Variants in VDAC1 observed in about 807,000 individuals in gnomAD.
VDAC1 encodes the protein non-selective voltage-gated ion channel VDAC1.
VDAC1 carries 10 observed loss-of-function variants against 34.7 expected under a neutral mutation model. The ratio of observed to expected loss-of-function variants is 0.29; its 90% confidence interval spans 0.18 to 0.49. The LOEUF is 0.49. Ranked by LOEUF, VDAC1 falls within the 20% of genes least tolerant of loss-of-function variation. VDAC1 has a pLI of 0.99. For missense variants in VDAC1, 230 were observed against 347.9 expected (o/e 0.66, Z 2.69); for synonymous variants, 130 against 136.0 (o/e 0.96, Z 0.30).
chr5:133,972,397 A>C lies in VDAC1; in HGVS notation c.*374T>G. On this transcript the variant is annotated 3_prime_UTR_variant, in exon 9 of 9. Transcript: ENST00000265333. ...ACCATCAAGCAGCGAGCCTCTCATCAATTAGGGTTAGGGAACCAAGGTTCG... is the reference window on the plus strand; with the variant it reads ...ACCATCAAGCAGCGAGCCTCTCATCCATTAGGGTTAGGGAACCAAGGTTCG... The C allele has an allele frequency of 2.4e-6, 1 of 412,892 alleles. No homozygotes were observed. Among genetic ancestry groups the C allele is most frequent in the Non-Finnish European group, 4.3e-6 (1 of 234,746 alleles). The allele number at this position is 412,892 out of a possible 1,614,324, so 25.6% of individuals were successfully genotyped here.
chr5:133,995,329 A>G (rs1197511939), intron 1 of VDAC1, among the ~76,000 whole-genome samples: 2 of 152,130 alleles, frequency 1.3e-5, no homozygotes, highest in African/African-American at 4.8e-5. Flanking sequence ...GTTCACTAAA[A>G]CATATCCCTA....
intron 1 of VDAC1, among the ~76,000 whole-genome samples, chr5:133,998,316 T>A (rs187179035): frequency 2.0e-5 from 3 of 152,256 alleles, no homozygotes; most frequent in Admixed American, 1.3e-4. Context: ...CATTTTTTGT[T>A]CTGCTTCATT....
chr5:133,982,618 G>A (rs1381132101), intron 5 of VDAC1, among the ~76,000 whole-genome samples: 1 of 152,158 alleles, frequency 6.6e-6, no homozygotes, highest in East Asian at 1.9e-4. Flanking sequence ...GGCCAGGTGC[G>A]GTGGCTTACG....
At chr5:134,033,051 G>GGAGGA in the VDAC1 span, among the ~76,000 whole-genome samples, 7 of 151,632 alleles carry the variant, frequency 4.6e-5, no homozygotes, top group Non-Finnish European at 7.4e-5. Context: ...GGACGGGAAG[G>GGAGGA]GAGGAGAGGA....
chr5:134,044,291 C>T, the VDAC1 span, among the ~76,000 whole-genome samples: 5 of 152,220 alleles, frequency 3.3e-5, no homozygotes, highest in Non-Finnish European at 7.3e-5. Flanking sequence ...CAGCTCTTTC[C>T]GCCCTAGCTC....
At chr5:134,113,318 G>T in the VDAC1 span, among the ~76,000 whole-genome samples, 1 of 152,230 alleles carries the variant, frequency 6.6e-6, no homozygotes, top group Admixed American at 6.5e-5. Flanking sequence ...TGGCGGGGGA[G>T]GGGGGTGTGG....
the VDAC1 span, among the ~76,000 whole-genome samples, chr5:134,046,911 T>C: frequency 2.0e-5 from 3 of 152,208 alleles, no homozygotes; most frequent in Non-Finnish European, 4.4e-5. Flanking sequence ...GGAGCCATTA[T>C]GTGGCCTGTT....
the VDAC1 span, among the ~76,000 whole-genome samples, chr5:134,015,627 T>C: frequency 1.3e-5 from 2 of 151,126 alleles, no homozygotes; most frequent in Non-Finnish European, 3.0e-5. Context: ...CTTGAACGAT[T>C]TTTTTTTTCT....
chr5:133,999,818 G>A (rs1027335775), intron 1 of VDAC1, among the ~76,000 whole-genome samples: 1 of 152,248 alleles, frequency 6.6e-6, no homozygotes, highest in African/African-American at 2.4e-5. Context: ...AACCAACAGA[G>A]CAATCACAAC....
In VDAC1 at chr5:133,978,672, C is replaced by A. The variant is rs532389260; in HGVS notation, c.551+2057G>T. Among the ~76,000 whole-genome samples the A allele has an allele frequency of 1.3e-3, 203 of 152,280 alleles. 3 individuals carry two copies. The highest frequency in any genetic ancestry group is 4.6e-4 in the Admixed American group (7 of 15,292). On this transcript the variant is annotated intron_variant, in intron 6 of 8. Transcript: ENST00000265333. ...AAAAAGGCCAGACTTTTCAGAATAT[C>A]CTAAAACCAGGAACACAATACTGCC...
chr5:134,025,926 A>G, the VDAC1 span, among the ~76,000 whole-genome samples: 1 of 152,138 alleles, frequency 6.6e-6, no homozygotes, highest in Non-Finnish European at 1.5e-5. Flanking sequence ...GAGGAGGGGC[A>G]GGTTTAGGGA....
chr5:134,028,908 T>C, the VDAC1 span, among the ~76,000 whole-genome samples: 2 of 152,198 alleles, frequency 1.3e-5, no homozygotes, highest in African/African-American at 2.4e-5. Flanking sequence ...TGTCCTTGAA[T>C]GTGGACCACA....
chr5:133,973,775 C>A lies in VDAC1; in HGVS notation c.760+16G>T. The A allele has an allele frequency of 1.2e-6, 2 of 1,608,604 alleles. No individual in the cohort carries two copies. Among genetic ancestry groups the A allele is most frequent in the Non-Finnish European group, 1.7e-6 (2 of 1,179,136 alleles). On this transcript the variant is annotated intron_variant, in intron 8 of 8. Transcript: ENST00000265333. ...TTTAAGATAAAGAACCGATTTCACA[C>A]ACAAGCAACACATACCTGGCTTTAG...
intron 5 of VDAC1, among the ~76,000 whole-genome samples, chr5:133,988,305 G>T (rs1276246637): frequency 1.3e-5 from 2 of 152,148 alleles, no homozygotes; most frequent in African/African-American, 4.8e-5. Context: ...AAAAAAAGGG[G>T]GGCAGGTGCA....
the VDAC1 span, among the ~76,000 whole-genome samples, chr5:134,078,427 G>A: frequency 6.6e-6 from 1 of 152,072 alleles, no homozygotes; most frequent in African/African-American, 2.4e-5. Context: ...ACTACACAAG[G>A]CCCAGGAGGA....
At chr5:134,075,212 A>G in the VDAC1 span, among the ~76,000 whole-genome samples, 1 of 152,070 alleles carries the variant, frequency 6.6e-6, no homozygotes, top group Non-Finnish European at 1.5e-5. Flanking sequence ...ACTACCATTC[A>G]CACTTCTATT....
the VDAC1 span, among the ~76,000 whole-genome samples, chr5:134,063,274 T>C: frequency 6.6e-6 from 1 of 152,240 alleles, no homozygotes; most frequent in Non-Finnish European, 1.5e-5. Context: ...TTCCCACTAA[T>C]GTCCTTTCTC....
At chr5:134,092,350 C>G in the VDAC1 span, among the ~76,000 whole-genome samples, 1 of 152,196 alleles carries the variant, frequency 6.6e-6, no homozygotes, top group East Asian at 1.9e-4. Flanking sequence ...ATCAGCAAAA[C>G]TGCCAAGGGG....
At chr5:133,973,463 T>C (rs1752373826) in intron 8 of VDAC1, among the ~76,000 whole-genome samples, 1 of 152,234 alleles carries the variant, frequency 6.6e-6, no homozygotes, top group Admixed American at 6.5e-5. Flanking sequence ...CTTTTTACAG[T>C]GGGGCTGATT....
Sources: allele counts gnomAD v4.1 joint callset (sites outside exome capture counted in the v4.1 genomes callset), GRCh38; gene constraint gnomAD v4.1.1; transcripts MANE v1.5; gene names NCBI Gene and HGNC (gene_info 2026-07-23, HGNC 2026-07-21).